GRM5: variants seen among roughly 807,000 people sequenced by gnomAD.
GRM5 encodes the protein metabotropic glutamate receptor 5.
In GRM5, 19 loss-of-function variants were observed where a neutral mutation model predicts 83.1. The ratio of observed to expected loss-of-function variants is 0.23; its 90% confidence interval spans 0.16 to 0.34. The LOEUF (loss-of-function observed/expected upper bound fraction) is 0.34. Ranked by LOEUF, GRM5 falls within the 10% of genes least tolerant of loss-of-function variation. The pLI is 1.00. For missense variants in GRM5, 1,160 were observed against 1,588.3 expected, an observed-to-expected ratio of 0.73 and a Z score of 4.58; for synonymous variants, 675 against 633.6, an observed-to-expected ratio of 1.07 and a Z score of -0.98.
chr11:88,838,614 G>A (rs1969046), intron 3 of GRM5, among the ~76,000 whole-genome samples: 15,917 of 152,034 alleles, frequency 0.1, 1,628 homozygotes, highest in African/African-American at 0.27. Context: ...ATTATTTAAT[G>A]AACCTTTAAA....
chr11:88,915,364 C>T (rs1482735180), intron 2 of GRM5, among the ~76,000 whole-genome samples: 2 of 151,538 alleles, frequency 1.3e-5, no homozygotes, highest in African/African-American at 2.4e-5. Flanking sequence ...TTTTAATGTG[C>T]GGCATAAGTT....
chr11:88,638,934 A>T (rs1240036573), intron 4 of GRM5, among the ~76,000 whole-genome samples: 3 of 151,200 alleles, frequency 2.0e-5, no homozygotes, highest in Non-Finnish European at 4.4e-5. Flanking sequence ...ATTTTATTGA[A>T]TTTTCTCTAT....
chr11:88,839,487 T>A (rs1224343325), intron 3 of GRM5, among the ~76,000 whole-genome samples: 1 of 152,224 alleles, frequency 6.6e-6, no homozygotes, highest in Non-Finnish European at 1.5e-5. Flanking sequence ...AACATTGTGA[T>A]GCCATTTTCA....
At chr11:88,554,040 G>T (rs973841768) in intron 8 of GRM5, among the ~76,000 whole-genome samples, 6 of 152,096 alleles carry the variant, frequency 3.9e-5, no homozygotes, top group African/African-American at 1.4e-4. Flanking sequence ...AAATTTAGTG[G>T]CTTTAAAGCA....
chr11:88,516,249 C>A (rs781131509), intron 9 of GRM5, among the ~76,000 whole-genome samples: 1 of 152,126 alleles, frequency 6.6e-6, no homozygotes, highest in Non-Finnish European at 1.5e-5. Flanking sequence ...GCTTATGGAA[C>A]TTAACTAAGT....
intron 3 of GRM5, among the ~76,000 whole-genome samples, chr11:88,716,444 T>C (rs538658754): frequency 1.3e-5 from 2 of 151,952 alleles, no homozygotes; most frequent in Non-Finnish European, 2.9e-5. Flanking sequence ...GAGATTGAAT[T>C]GGCCCCAATG....
intron 2 of GRM5, among the ~76,000 whole-genome samples, chr11:88,908,244 A>G (rs1945436387): frequency 6.6e-6 from 1 of 152,148 alleles, no homozygotes; most frequent in Non-Finnish European, 1.5e-5. Flanking sequence ...CCTGTCTTCT[A>G]CCTAGGAACT....
At chr11:88,533,190 C>A (rs571126498) in intron 8 of GRM5, among the ~76,000 whole-genome samples, 1 of 152,254 alleles carries the variant, frequency 6.6e-6, no homozygotes, top group South Asian at 2.1e-4. Context: ...CCTACACTTA[C>A]CTCCCACTCC....
intron 2 of GRM5, among the ~76,000 whole-genome samples, chr11:88,901,110 T>C (rs1024470121): frequency 6.6e-5 from 10 of 152,106 alleles, no homozygotes; most frequent in African/African-American, 2.4e-4. Context: ...CGTGGACAGG[T>C]AGGGAGAGCC....
chr11:88,995,469 C>T (rs776853704), intron 2 of GRM5, among the ~76,000 whole-genome samples: 27 of 141,568 alleles, frequency 1.9e-4, no homozygotes, highest in Admixed American at 1.8e-3. Context: ...CACTTGAACC[C>T]GGGAGGTAGA....
intron 2 of GRM5, among the ~76,000 whole-genome samples, chr11:88,868,646 T>C (rs1199910421): frequency 3.3e-5 from 5 of 151,796 alleles, no homozygotes; most frequent in Admixed American, 1.3e-4. Context: ...GTTAGATACC[T>C]GGCAAATGTT....
In GRM5 at chr11:89,051,867, C is replaced by G. The variant is rs554287842; in HGVS notation, c.-200-3795G>C. ...ATCTTATAAAGAAACCTGTAATAAT[C>G]TAGCAAGAAATGATGGTGACTTCTC... On this transcript the variant is annotated intron_variant, in intron 1 of 9. Coordinates refer to ENST00000305447, the MANE Select transcript of GRM5 (RefSeq NM_001143831.3). 1.1e-4 allele frequency among the ~76,000 whole-genome samples: 17 copies of G among 152,258 alleles called. 3 individuals carry two copies. Among genetic ancestry groups the G allele is most frequent in the Admixed American group, 1.0e-3 (16 of 15,308 alleles).
At chr11:89,017,914 G>A (rs1457154706) in intron 2 of GRM5, among the ~76,000 whole-genome samples, 5 of 152,024 alleles carry the variant, frequency 3.3e-5, no homozygotes, top group Non-Finnish European at 7.4e-5. Flanking sequence ...CTAGCACTTT[G>A]TTTTTACTTC....
At chr11:88,959,474 G>A (rs1447312340) in intron 2 of GRM5, among the ~76,000 whole-genome samples, 3 of 151,738 alleles carry the variant, frequency 2.0e-5, no homozygotes, top group Non-Finnish European at 2.9e-5. Flanking sequence ...TATACGTAAA[G>A]TTTCTAAATA....
intron 3 of GRM5, among the ~76,000 whole-genome samples, chr11:88,784,735 C>T (rs971952193): frequency 3.3e-5 from 5 of 151,916 alleles, no homozygotes; most frequent in Non-Finnish European, 5.9e-5. Context: ...AACATGATTC[C>T]ATAAATGCAG....
intron 8 of GRM5, among the ~76,000 whole-genome samples, chr11:88,559,909 G>A (rs1179796122): frequency 6.6e-6 from 1 of 152,124 alleles, no homozygotes. Context: ...TGGATCATAA[G>A]GAGGGGAACT....
At chr11:88,608,688 T>C (rs1453339966) in intron 4 of GRM5, among the ~76,000 whole-genome samples, 1 of 151,636 alleles carries the variant, frequency 6.6e-6, no homozygotes, top group Non-Finnish European at 1.5e-5. Flanking sequence ...CCGGGTACAT[T>C]TTTTTGTATT....
At chr11:88,626,677 ACT>A (rs1481381944) in intron 4 of GRM5, among the ~76,000 whole-genome samples, 1 of 152,052 alleles carries the variant, frequency 6.6e-6, no homozygotes, top group African/African-American at 2.4e-5. Context: ...TGTTGAAGAA[ACT>A]CTAATTCCTA....
At chr11:88,894,123 G>A (rs1009418524) in intron 2 of GRM5, among the ~76,000 whole-genome samples, 3 of 151,888 alleles carry the variant, frequency 2.0e-5, no homozygotes, top group African/African-American at 7.2e-5. Context: ...GTACTCTAAG[G>A]AGCAGACAAG....
Sources: gnomAD v4.1 joint callset for allele counts (sites outside exome capture counted in the v4.1 genomes callset) on GRCh38, gnomAD v4.1.1 for gene constraint, MANE v1.5 for transcripts, NCBI Gene and HGNC (gene_info 2026-07-23, HGNC 2026-07-21) for gene names.